Variants in FAM135A observed in about 807,000 individuals in gnomAD.
FAM135A encodes the protein protein FAM135A.
A neutral mutation model predicts 146.8 loss-of-function variants in FAM135A; 79 were observed. The observed-to-expected ratio is 0.54, with a 90% CI of 0.45 to 0.65. FAM135A has a LOEUF of 0.65. FAM135A is among the 30% of genes least tolerant of loss of function. FAM135A has a pLI of 0.00. For synonymous variants in FAM135A, 562 were observed against 603.6 expected, an observed-to-expected ratio of 0.93 and a Z score of 1.01; for missense variants, 1,623 against 1,758.2, an observed-to-expected ratio of 0.92 and a Z score of 1.38.
intron 12 of FAM135A, among the ~76,000 whole-genome samples, chr6:70,508,267 A>G (rs887107962): frequency 5.3e-5 from 8 of 152,342 alleles, no homozygotes; most frequent in South Asian, 2.1e-4. Flanking sequence ...TTGAAAAGAT[A>G]GTCTGTAACA....
chr6:70,501,593 T>G (rs1477517717), intron 11 of FAM135A, among the ~76,000 whole-genome samples: 1 of 152,208 alleles, frequency 6.6e-6, no homozygotes, highest in East Asian at 1.9e-4. Flanking sequence ...CTGCCCAGTT[T>G]TGTGCTTGTA....
chr6:70,543,493 G>A (rs902526837), intron 20 of FAM135A, among the ~76,000 whole-genome samples: 1 of 152,128 alleles, frequency 6.6e-6, no homozygotes, highest in Non-Finnish European at 1.5e-5. Context: ...CTTATAGATT[G>A]GGTTTTATGA....
intron 4 of FAM135A, among the ~76,000 whole-genome samples, chr6:70,435,668 C>T (rs967778955): frequency 8.5e-5 from 13 of 152,082 alleles, no homozygotes; most frequent in Admixed American, 5.9e-4. Context: ...TACAGGCATG[C>T]GTCACCATGC....
intron 12 of FAM135A, among the ~76,000 whole-genome samples, chr6:70,519,399 T>C (rs1793038613): frequency 6.6e-6 from 1 of 152,218 alleles, no homozygotes; most frequent in Non-Finnish European, 1.5e-5. Context: ...ATTTGGAATA[T>C]TACATAAACT....
At chr6:70,556,652 C>T (rs961472581) in intron 20 of FAM135A, 98 bp from the exon 21 acceptor site, 3 of 730,716 alleles carry the variant, frequency 4.1e-6, no homozygotes, top group Non-Finnish European at 4.2e-6. Context: ...CTTAGTACTG[C>T]TAAGGAAATT....
chr6:70,477,144 T>C lies in FAM135A; in HGVS notation c.369-15T>C, dbSNP rs781668511. The C allele has an allele frequency of 3.1e-6, 5 of 1,608,646 alleles. No homozygotes were observed. The East Asian group carries it at 1.1e-4, about 36-fold the overall frequency. The stretch of plus-strand genomic sequence containing the variant: ...AAATGTTTCATACTTACATGCTAAG[T>C]GTTCCTTTTTACAGGGCAGATGATC... On this transcript the variant is annotated splice_polypyrimidine_tract_variant and intron_variant, in intron 7 of 21. Transcript: ENST00000418814.
At chr6:70,430,471 C>T (rs1039990915) in intron 4 of FAM135A, among the ~76,000 whole-genome samples, 1 of 152,136 alleles carries the variant, frequency 6.6e-6, no homozygotes, top group Non-Finnish European at 1.5e-5. Flanking sequence ...GCTTTTTGGC[C>T]AGTACAATTC....
chr6:70,553,247 GCA>G, intron 20 of FAM135A, among the ~76,000 whole-genome samples: 1 of 152,004 alleles, frequency 6.6e-6, no homozygotes, highest in East Asian at 1.9e-4. Context: ...ACCTATAACT[GCA>G]CACCATAGAA....
At chr6:70,481,079 T>C in intron 9 of FAM135A, 52 bp downstream of exon 9, 1 of 1,436,152 alleles carries the variant, frequency 7.0e-7, no homozygotes, top group Non-Finnish European at 9.3e-7. Flanking sequence ...AAGAAGTGTT[T>C]TTAACAATTT....
At chr6:70,470,939 A>G (rs1781508314) in intron 5 of FAM135A, among the ~76,000 whole-genome samples, 1 of 152,212 alleles carries the variant, frequency 6.6e-6, no homozygotes, top group Non-Finnish European at 1.5e-5. Context: ...TTTTCTCATG[A>G]AATAAGAAAC....
chr6:70,500,067 G>T (rs796375421), intron 11 of FAM135A, among the ~76,000 whole-genome samples: 16 of 152,322 alleles, frequency 1.1e-4, no homozygotes, highest in African/African-American at 3.4e-4. Flanking sequence ...AAATCCTGAA[G>T]TGTGTTTTCC....
chr6:70,556,808 T>C lies in FAM135A; in HGVS notation c.4287T>C (p.Pro1429=). 1 of 1,614,064 alleles carries C rather than the reference T, an allele frequency of 6.2e-7. No homozygotes were observed. Among genetic ancestry groups the C allele is most frequent in the Non-Finnish European group, 8.5e-7 (1 of 1,180,014 alleles). The part of the protein sequence containing the change: ...LVGSLQDRYV[P]YHSARIEMCK... ...GATCCCTACAGGATCGCTATGTTCC[T>C]TATCACTCTGCCCGCATTGAAATGT... Residue 1429 remains proline, a synonymous_variant, in exon 21 of 22, where the codon CCT becomes CCC. Transcript: ENST00000418814.
intron 4 of FAM135A, among the ~76,000 whole-genome samples, chr6:70,439,261 G>A (rs949800155): frequency 6.6e-6 from 1 of 152,212 alleles, no homozygotes; most frequent in African/African-American, 2.4e-5. Context: ...TACTATCTGA[G>A]GTTTCGGTCT....
intron 11 of FAM135A, among the ~76,000 whole-genome samples, chr6:70,499,293 T>C (rs1490857009): frequency 6.6e-6 from 1 of 152,002 alleles, no homozygotes; most frequent in Non-Finnish European, 1.5e-5. Context: ...TAGGATTTCA[T>C]CCCCTGCTGT....
At chr6:70,515,920 TAA>T (rs200281638) in intron 12 of FAM135A, among the ~76,000 whole-genome samples, 7 of 149,340 alleles carry the variant, frequency 4.7e-5, no homozygotes, top group Admixed American at 3.3e-4. Context: ...AAAACTGCTG[TAA>T]AAAAAAAATA....
intron 20 of FAM135A, among the ~76,000 whole-genome samples, chr6:70,540,089 A>AT (rs1797590931): frequency 2.0e-5 from 3 of 152,298 alleles, no homozygotes; most frequent in African/African-American, 7.2e-5. Context: ...ATCTGGAATC[A>AT]TTTTTGGTAA....
At chr6:70,475,790 A>G in intron 7 of FAM135A, 57 bp downstream of exon 7, 4 of 1,334,212 alleles carry the variant, frequency 3.0e-6, no homozygotes, top group Non-Finnish European at 4.2e-6. Context: ...ATTTGTTATT[A>G]TTAGATTGCC....
At chr6:70,533,723 C>T in intron 17 of FAM135A, 34 bp from the exon 18 acceptor site, 1 of 1,272,680 alleles carries the variant, frequency 7.9e-7, no homozygotes, top group Non-Finnish European at 1.1e-6. Flanking sequence ...TACATATTCC[C>T]AAATATAATG....
At chr6:70,536,811 AAG>A (rs1796873756) in intron 19 of FAM135A, among the ~76,000 whole-genome samples, 1 of 152,176 alleles carries the variant, frequency 6.6e-6, no homozygotes, top group African/African-American at 2.4e-5. Flanking sequence ...AAAAAGAGTA[AAG>A]AGATATGAGA....
Sources: allele counts gnomAD v4.1 joint callset (sites outside exome capture counted in the v4.1 genomes callset), GRCh38; gene constraint gnomAD v4.1.1; transcripts MANE v1.5; gene names NCBI Gene and HGNC (gene_info 2026-07-23, HGNC 2026-07-21).